PTPRO: variants seen among roughly 807,000 people sequenced by gnomAD.
PTPRO encodes the protein protein tyrosine phosphatase receptor type O, also known as receptor-type tyrosine-protein phosphatase O.
A neutral mutation model predicts 145.2 loss-of-function variants in PTPRO; 62 were observed. The observed-to-expected ratio is 0.43, with a 90% CI of 0.35 to 0.53. The LOEUF (loss-of-function observed/expected upper bound fraction) is 0.53. Among genes scored for constraint, PTPRO ranks in the 20% least tolerant of loss-of-function variants. The pLI is 0.01. For synonymous variants in PTPRO, 565 were observed against 514.7 expected (o/e 1.10, Z -1.32); for missense variants, 1,345 against 1,482.7 (o/e 0.91, Z 1.53).
chr12:15,449,056 T>G (rs9651809), intron 1 of PTPRO, among the ~76,000 whole-genome samples: 130,127 of 150,910 alleles, frequency 0.86, 58,820 homozygotes, highest in Non-Finnish European at 0.99. Flanking sequence ...AAATAGGGCA[T>G]CCCCCAGAAT....
intron 1 of PTPRO, among the ~76,000 whole-genome samples, chr12:15,364,130 G>A (rs1190571923): frequency 3.3e-5 from 5 of 152,146 alleles, no homozygotes; most frequent in African/African-American, 1.2e-4. Flanking sequence ...AAAAATCACA[G>A]AGGGTCTAGG....
intron 12 of PTPRO, among the ~76,000 whole-genome samples, chr12:15,532,278 T>G (rs1942977930): frequency 6.6e-6 from 1 of 152,170 alleles, no homozygotes; most frequent in Non-Finnish European, 1.5e-5. Flanking sequence ...ACTATCTTAA[T>G]TGGATTTAAA....
At chr12:15,451,158 G>A (rs565411602) in intron 1 of PTPRO, among the ~76,000 whole-genome samples, 1 of 151,788 alleles carries the variant, frequency 6.6e-6, no homozygotes. Context: ...CATGCAAATG[G>A]ACACAAAAAG....
At chr12:15,575,368 T>A (rs952691919) in intron 19 of PTPRO, among the ~76,000 whole-genome samples, 1 of 152,162 alleles carries the variant, frequency 6.6e-6, no homozygotes, top group Non-Finnish European at 1.5e-5. Flanking sequence ...GTGAGCAGGC[T>A]AGTTGGAATT....
At chr12:15,475,241 T>C (rs1941628976) in intron 1 of PTPRO, among the ~76,000 whole-genome samples, 2 of 152,238 alleles carry the variant, frequency 1.3e-5, no homozygotes, top group Admixed American at 6.5e-5. Context: ...CATAATTACA[T>C]ATTTGATGCT....
At chr12:15,510,181 T>C (rs1198230266) in intron 7 of PTPRO, among the ~76,000 whole-genome samples, 1 of 152,332 alleles carries the variant, frequency 6.6e-6, no homozygotes, top group Non-Finnish European at 1.5e-5. Flanking sequence ...CAAACAATGA[T>C]AAATTGTAAA....
At chr12:15,531,666 T>C (rs1942965370) in intron 12 of PTPRO, among the ~76,000 whole-genome samples, 1 of 152,162 alleles carries the variant, frequency 6.6e-6, no homozygotes, top group Non-Finnish European at 1.5e-5. Context: ...TGACACAAAG[T>C]TGTGTGATAG....
At chr12:15,442,222 C>T (rs188364713) in intron 1 of PTPRO, among the ~76,000 whole-genome samples, 4 of 152,078 alleles carry the variant, frequency 2.6e-5, no homozygotes, top group African/African-American at 9.6e-5. Flanking sequence ...ATGTGACTCA[C>T]CACATAAAGA....
chr12:15,480,259 C>A (rs1941750455), intron 1 of PTPRO, among the ~76,000 whole-genome samples: 1 of 151,994 alleles, frequency 6.6e-6, no homozygotes, highest in Admixed American at 6.5e-5. Context: ...CATCCAAAAC[C>A]TGGATTTTCT....
chr12:15,475,657 A>C (rs967657673), intron 1 of PTPRO, among the ~76,000 whole-genome samples: 11 of 152,172 alleles, frequency 7.2e-5, no homozygotes, highest in Non-Finnish European at 1.2e-4. Context: ...ATAGGTTAAA[A>C]GTAAAAGGAT....
chr12:15,527,475 A>T (rs1006101633), intron 12 of PTPRO, among the ~76,000 whole-genome samples: 1 of 152,226 alleles, frequency 6.6e-6, no homozygotes, highest in African/African-American at 2.4e-5. Flanking sequence ...AAGAGATGAG[A>T]TGGAACTACC....
At chr12:15,555,917 T>G (rs1024972840) in intron 15 of PTPRO, among the ~76,000 whole-genome samples, 4 of 152,230 alleles carry the variant, frequency 2.6e-5, no homozygotes, top group African/African-American at 9.6e-5. Flanking sequence ...TGTAATAGTC[T>G]AACAATTTCA....
intron 12 of PTPRO, among the ~76,000 whole-genome samples, chr12:15,544,386 T>C (rs888342343): frequency 2.6e-5 from 4 of 151,190 alleles, no homozygotes; most frequent in Admixed American, 2.0e-4. Context: ...GCGCCTGTAG[T>C]CTCAGCTACT....
intron 2 of PTPRO, among the ~76,000 whole-genome samples, chr12:15,490,353 A>G (rs923257130): frequency 2.2e-4 from 34 of 152,194 alleles, no homozygotes; most frequent in African/African-American, 8.0e-4. Context: ...GGCCATACAG[A>G]CTATATTGCA....
intron 1 of PTPRO, among the ~76,000 whole-genome samples, chr12:15,343,457 C>T (rs1333667297): frequency 6.6e-6 from 1 of 151,924 alleles, no homozygotes; most frequent in Non-Finnish European, 1.5e-5. Context: ...GAGGCCAAGG[C>T]GGGAGGATCA....
At chr12:15,402,668 T>C (rs1939530409) in intron 1 of PTPRO, among the ~76,000 whole-genome samples, 1 of 152,158 alleles carries the variant, frequency 6.6e-6, no homozygotes, top group South Asian at 2.1e-4. Context: ...AAATTCTACA[T>C]AATCAGGGTG....
chr12:15,328,964 T>C (rs1045702426), intron 1 of PTPRO, among the ~76,000 whole-genome samples: 1 of 152,250 alleles, frequency 6.6e-6, no homozygotes, highest in Non-Finnish European at 1.5e-5. Flanking sequence ...AATAGTAATC[T>C]ATATGAGATT....
At chr12:15,575,519 C>T (rs764324050) in intron 19 of PTPRO, among the ~76,000 whole-genome samples, 5 of 152,212 alleles carry the variant, frequency 3.3e-5, no homozygotes, top group Non-Finnish European at 7.3e-5. Context: ...ACTGTTTAAA[C>T]TATCACTCTA....
At chr12:15,444,863 C>T (rs1185270479) in intron 1 of PTPRO, among the ~76,000 whole-genome samples, 1 of 152,048 alleles carries the variant, frequency 6.6e-6, no homozygotes, top group Non-Finnish European at 1.5e-5. Context: ...GCTGGCTGAA[C>T]AAACTATAAT....
Sources: gnomAD v4.1 joint callset for allele counts (sites outside exome capture counted in the v4.1 genomes callset) on GRCh38, gnomAD v4.1.1 for gene constraint, MANE v1.5 for transcripts, NCBI Gene and HGNC (gene_info 2026-07-23, HGNC 2026-07-21) for gene names.